ATAD1: variants seen among roughly 807,000 people sequenced by gnomAD.
ATAD1 encodes ATPase family AAA domain containing 1.
ATAD1 carries 18 observed loss-of-function variants against 42.7 expected under a neutral mutation model. That is an observed-to-expected ratio of 0.42 (90% CI 0.29 to 0.63). The LOEUF is 0.63. ATAD1 is among the 20% of genes least tolerant of loss of function. The probability of loss-of-function intolerance (pLI) is 0.19; values close to 1 mark genes in which losing one functional copy is unlikely to be tolerated. For missense variants in ATAD1, 294 were observed against 440.4 expected (o/e 0.67, Z 2.98); for synonymous variants, 132 against 143.1 (o/e 0.92, Z 0.55).
intron 3 of ATAD1, among the ~76,000 whole-genome samples, chr10:87,791,297 G>GA (rs1468038563): frequency 6.6e-6 from 1 of 151,272 alleles, no homozygotes; most frequent in Non-Finnish European, 1.5e-5. Flanking sequence ...AAATAGACAA[G>GA]AAAAACCTGA....
chr10:87,836,174 G>A (rs892191817), intron 1 of ATAD1, among the ~76,000 whole-genome samples: 1 of 152,060 alleles, frequency 6.6e-6, no homozygotes, highest in African/African-American at 2.4e-5. Flanking sequence ...CACCAAGGCT[G>A]GAGAGCAGTG....
intron 7 of ATAD1, 116 bp from the exon 8 acceptor site, chr10:87,767,839 T>G (rs570497430): frequency 1.0e-6 from 1 of 983,250 alleles, no homozygotes; most frequent in South Asian, 1.6e-5. Context: ...TATAAGGAGA[T>G]GACAGAAACT....
At chr10:87,818,638 T>C (rs1165383254), upstream of ATAD1, 3 of 152,370 alleles carry the variant, frequency 2.0e-5, no homozygotes, top group East Asian at 3.9e-4. Flanking sequence ...GTCTGTACTT[T>C]AGCCAAAACG....
chr10:87,796,176 C>T (rs934261279), intron 2 of ATAD1, among the ~76,000 whole-genome samples: 1 of 152,164 alleles, frequency 6.6e-6, no homozygotes, highest in Non-Finnish European at 1.5e-5. Flanking sequence ...ACTTATACCT[C>T]TTTCCTCTCA....
intron 2 of ATAD1, among the ~76,000 whole-genome samples, chr10:87,811,191 C>T (rs924585379): frequency 6.6e-6 from 1 of 151,890 alleles, no homozygotes; most frequent in Non-Finnish European, 1.5e-5. Context: ...AAATTAGCCA[C>T]GTGTGGTTGC....
chr10:87,818,329 T>A, upstream of ATAD1: 2 of 912,220 alleles, frequency 2.2e-6, no homozygotes, highest in Non-Finnish European at 2.6e-6. Context: ...CTCCCAGGCT[T>A]AGAAACAGTG....
chr10:87,840,442 G>A (rs185603965), intron 1 of ATAD1, among the ~76,000 whole-genome samples: 470 of 152,186 alleles, frequency 3.1e-3, no homozygotes, highest in Non-Finnish European at 5.2e-3. Context: ...CCATGATTGC[G>A]CCATTGCACT....
chr10:87,838,736 TTCTC>T (rs112302394), intron 1 of ATAD1, among the ~76,000 whole-genome samples: 128 of 131,842 alleles, frequency 9.7e-4, no homozygotes, highest in Non-Finnish European at 1.7e-3. Flanking sequence ...CTCATTCATA[TTCTC>T]TCTCTCTCTC....
intron 2 of ATAD1, among the ~76,000 whole-genome samples, chr10:87,808,662 T>C (rs942861129): frequency 6.6e-6 from 1 of 152,244 alleles, no homozygotes; most frequent in East Asian, 1.9e-4. Context: ...TCTGCATTTA[T>C]TGGGAGAATC....
At chr10:87,793,581 G>T (rs1311443178) in intron 2 of ATAD1, among the ~76,000 whole-genome samples, 1 of 152,140 alleles carries the variant, frequency 6.6e-6, no homozygotes, top group African/African-American at 2.4e-5. Context: ...GCCAAGAGAA[G>T]AAACAAGATA....
chr10:87,767,654 A>T lies in ATAD1; in HGVS notation c.831+19T>A. ...ATCAGATTTATAGGACGGGGAAAAA[A>T]TTTTTATTTTCTACTTACATTTTCA... On this transcript the variant is annotated intron_variant, in intron 8 of 9. Transcript: ENST00000680024. The T allele has an allele frequency of 1.3e-6, 2 of 1,597,020 alleles. No individual in the cohort carries two copies. Among genetic ancestry groups the T allele is most frequent in the Non-Finnish European group, 1.7e-6 (2 of 1,171,260 alleles).
intron 1 of ATAD1, among the ~76,000 whole-genome samples, chr10:87,840,828 GAACAT>G (rs1858018818): frequency 1.3e-5 from 2 of 152,146 alleles, no homozygotes; most frequent in African/African-American, 2.4e-5. Flanking sequence ...AGCGTAGAAA[GAACAT>G]AACATGACAT....
intron 2 of ATAD1, among the ~76,000 whole-genome samples, chr10:87,803,440 A>G (rs1199772650): frequency 6.6e-6 from 1 of 152,236 alleles, no homozygotes; most frequent in East Asian, 1.9e-4. Context: ...CATTCTATTC[A>G]AAGTCACCCC....
chr10:87,786,279 T>C (rs967046463), intron 4 of ATAD1, among the ~76,000 whole-genome samples: 6 of 152,228 alleles, frequency 3.9e-5, no homozygotes, highest in Non-Finnish European at 7.3e-5. Flanking sequence ...TCAAGGTTTT[T>C]AGAACAAAGT....
intron 1 of ATAD1, among the ~76,000 whole-genome samples, chr10:87,815,858 T>G (rs1424999965): frequency 1.3e-5 from 2 of 152,124 alleles, no homozygotes; most frequent in Non-Finnish European, 2.9e-5. Flanking sequence ...GCATTTTCTC[T>G]TTCACCTCTT....
chr10:87,827,004 T>G (rs1857742226), intron 1 of ATAD1, among the ~76,000 whole-genome samples: 2 of 152,200 alleles, frequency 1.3e-5, no homozygotes, highest in African/African-American at 4.8e-5. Context: ...TTCATTTTAA[T>G]TATCATTCTC....
chr10:87,784,449 C>T, intron 5 of ATAD1, 21 bp downstream of exon 5: 3 of 1,606,404 alleles, frequency 1.9e-6, no homozygotes, highest in Non-Finnish European at 2.6e-6. Flanking sequence ...TAAAAATACT[C>T]ATATAGAAAA....
At chr10:87,811,256 C>A (rs932692667) in intron 2 of ATAD1, among the ~76,000 whole-genome samples, 2 of 151,948 alleles carry the variant, frequency 1.3e-5, no homozygotes, top group Admixed American at 1.3e-4. Context: ...TCACTTGAAC[C>A]CGGAAGAAGC....
At chr10:87,822,032 G>A (rs548540531), upstream of ATAD1, among the ~76,000 whole-genome samples, 8 of 152,350 alleles carry the variant, frequency 5.3e-5, no homozygotes, top group Non-Finnish European at 1.2e-4. Context: ...GAAGCCTCAT[G>A]ATGAGATTCA....
Sources: allele counts gnomAD v4.1 joint callset (sites outside exome capture counted in the v4.1 genomes callset), GRCh38; gene constraint gnomAD v4.1.1; transcripts MANE v1.5; gene names NCBI Gene and HGNC (gene_info 2026-07-23, HGNC 2026-07-21).